Variants in SNAI3 observed in about 807,000 individuals in gnomAD.
SNAI3 encodes the protein zinc finger protein SNAI3.
In SNAI3, 21 loss-of-function variants were observed where a neutral mutation model predicts 16.4. The ratio of observed to expected loss-of-function variants is 1.28; its 90% confidence interval spans 0.91 to 1.85. SNAI3 has a LOEUF of 1.85. Among genes scored for constraint, SNAI3 ranks in the 40% most tolerant of loss-of-function variants. The pLI is 0.00. For synonymous variants in SNAI3, 202 were observed against 166.6 expected (o/e 1.21, Z -1.64); for missense variants, 457 against 372.8 (o/e 1.23, Z -1.86).
chr16:88,681,214 T>G lies in SNAI3; in HGVS notation c.577A>C (p.Thr193Pro). The G allele has an allele frequency of 6.2e-7, 1 of 1,613,818 alleles. No individual in the cohort carries two copies. Among genetic ancestry groups the G allele is most frequent in the African/African-American group, 1.3e-5 (1 of 75,030 alleles). ...FTCKYCDKEY[T>P]SLGALKMHIR... ...TGCATCTTGAGGGCACCCAGGCTGG[T>G]GTACTCCTTGTCGCAGTACTTGCAG... is the stretch of plus-strand genomic sequence containing the variant. The change falls in exon 2 of 3, where the codon ACC (threonine) becomes CCC (proline). Residue 193 changes from threonine to proline, a missense_variant. Physicochemically the swap from Thr to Pro is conservative, Grantham distance 38. Transcript: ENST00000332281. The surrounding 1 kb of genome is among the most constrained non-coding windows in gnomAD (Gnocchi z 5.4).
chr16:88,679,222 G>A, intron 2 of SNAI3: 5 of 539,216 alleles, frequency 9.3e-6, no homozygotes, highest in Non-Finnish European at 1.2e-5. Flanking sequence ...TCCTGGCCAG[G>A]CCAGCCTCCC....
rs774246168 is a variant in SNAI3 at position 88,681,061 on chromosome 16, A to G, written c.697+33T>C. 6.3e-7 allele frequency: 1 copy of G among 1,586,882 alleles called. No homozygotes were observed. Among genetic ancestry groups the G allele is most frequent in the African/African-American group, 1.3e-5 (1 of 74,536 alleles). ...GCAGCCCACCCTCTTCCCCCAGCCC[A>G]GACCGTCCTTGCAGACCTTCACCCT... On this transcript the variant is annotated intron_variant, in intron 2 of 2. Coordinates refer to ENST00000332281, the MANE Select transcript of SNAI3 (RefSeq NM_178310.4). The surrounding 1 kb of genome is among the most constrained non-coding windows in gnomAD (Gnocchi z 5.4).
chr16:88,680,791 C>T (rs1419392162), intron 2 of SNAI3, among the ~76,000 whole-genome samples: 1 of 150,056 alleles, frequency 6.7e-6, no homozygotes, highest in Non-Finnish European at 1.5e-5. Context: ...AGACTGGGGT[C>T]TTGCTTGTTG....
At position 88,686,453 on chromosome 16, in the gene SNAI3, C is replaced by A; in HGVS notation, c.-47G>T. Reference sequence around the variant, plus strand: ...CCGGGGTGGGCTGGGGCGGGAGGGGCGCGCCTGGGTCCGGACTGCTGCGTC... The same window carrying A: ...CCGGGGTGGGCTGGGGCGGGAGGGGAGCGCCTGGGTCCGGACTGCTGCGTC... On this transcript the variant is annotated 5_prime_UTR_variant, in exon 1 of 3. Transcript: ENST00000332281. 1 of 1,592,350 alleles carries A rather than the reference C, an allele frequency of 6.3e-7. No homozygotes were observed. Among genetic ancestry groups the A allele is most frequent in the Non-Finnish European group, 8.5e-7 (1 of 1,173,614 alleles).
In SNAI3 at chr16:88,681,511, C is replaced by G. The variant is rs370933219; in HGVS notation, c.280G>C (p.Asp94His). ...GLDALEVSEV[D>H]PRASRAAIVP... Reference sequence around the variant, plus strand: ...ATGGCGGCCCGGCTGGCCCGAGGGTCGACCTCGCTGACTTCCAAGGCGTCC... The same window carrying G: ...ATGGCGGCCCGGCTGGCCCGAGGGTGGACCTCGCTGACTTCCAAGGCGTCC... The change falls in exon 2 of 3, where the codon GAC (aspartate) becomes CAC (histidine). Residue 94 changes from aspartate (D) to histidine (H), a missense_variant. By Grantham distance (81) the Asp-to-His change is moderately conservative (BLOSUM62 -1). Coordinates refer to ENST00000332281, the MANE Select transcript of SNAI3 (RefSeq NM_178310.4). The surrounding 1 kb of genome is among the most constrained non-coding windows in gnomAD (Gnocchi z 5.4). The G allele has an allele frequency of 1.9e-6, 3 of 1,540,716 alleles. No individual in the cohort carries two copies. In the South Asian group the frequency reaches 3.7e-5, roughly 19 times the overall value.
At position 88,678,942 on chromosome 16, in the gene SNAI3, T is replaced by TG. The variant is rs543863688; in HGVS notation, c.698-314dup. On this transcript the variant is annotated intron_variant, in intron 2 of 2. Transcript: ENST00000332281. ...CTGTTTCTGGCCACTCACAGGCAAG[T>TG]GGGGGGGTCTGGCCAGCTCCAGCAG... The TG allele has an allele frequency of 3.7e-4, 364 of 985,074 alleles. 2 individuals are homozygous for TG. The African/African-American group carries it at 5.3e-3, about 14-fold the overall frequency. 61.0% of individuals were successfully genotyped at this position (985,074 alleles called of 1,614,324 possible).
chr16:88,677,728 G>A lies in SNAI3; in HGVS notation c.*720C>T, dbSNP rs1341523216. The A allele has an allele frequency of 6.6e-6, 1 of 152,266 alleles. No homozygotes were observed. The highest frequency in any genetic ancestry group is 1.5e-5 in the Non-Finnish European group (1 of 68,076). 9.4% of individuals were successfully genotyped at this position (152,266 alleles called of 1,614,324 possible). A position where few individuals can be genotyped will look rare whatever the true frequency, so the allele number is the denominator to read the frequency against. ...TATTACCCCACGGCTGTTATTGCCT[G>A]GGAAGCTGAGTGCCCTGAGACCCCA... On this transcript the variant is annotated 3_prime_UTR_variant, in exon 3 of 3. Coordinates refer to ENST00000332281, the MANE Select transcript of SNAI3 (RefSeq NM_178310.4).
chr16:88,682,397 G>A (rs969522671), intron 1 of SNAI3, among the ~76,000 whole-genome samples: 19 of 152,240 alleles, frequency 1.2e-4, no homozygotes, highest in African/African-American at 4.6e-4. Context: ...TCCCCAGGAC[G>A]GTGTTTCCTC....
chr16:88,686,321 TA>T lies in SNAI3; in HGVS notation c.76+9del. On this transcript the variant is annotated intron_variant, in intron 1 of 2. Transcript: ENST00000332281. ...TCCCGGCAGGGGCTCGGGGATCGGG[TA>T]GTCAGTACCTCTCTGCGTCTCCAGC... The T allele has an allele frequency of 1.2e-6, 2 of 1,608,726 alleles. No homozygotes were observed. The highest frequency in any genetic ancestry group is 1.7e-6 in the Non-Finnish European group (2 of 1,178,326).
chr16:88,679,761 CAA>C (rs567387152), intron 2 of SNAI3, among the ~76,000 whole-genome samples: 10 of 68,426 alleles, frequency 1.5e-4, no homozygotes, highest in Admixed American at 6.7e-4. Context: ...GACTCTGTCT[CAA>C]AAAAAAAAAA....
chr16:88,682,461 AG>A (rs1909207986), intron 1 of SNAI3, among the ~76,000 whole-genome samples: 3 of 152,378 alleles, frequency 2.0e-5, no homozygotes, highest in African/African-American at 4.8e-5. Flanking sequence ...TAAGGGCAGC[AG>A]CCCCCAGATA....
At position 88,681,016 on chromosome 16, in the gene SNAI3, C is replaced by T. The variant is rs1909143895; in HGVS notation, c.697+78G>A. The T allele has an allele frequency of 6.5e-7, 1 of 1,538,622 alleles. No individual in the cohort carries two copies. Among genetic ancestry groups the T allele is most frequent in the Admixed American group, 1.9e-5 (1 of 53,350 alleles). The stretch of plus-strand genomic sequence containing the variant: ...CATGCTATTGTTTATAAAATCACCC[C>T]TCCTCCTTTTCTAACTCCCGCAGCC... On this transcript the variant is annotated intron_variant, in intron 2 of 2. Transcript: ENST00000332281. This position sits in a 1 kb window ranked among gnomAD's most constrained non-coding sequence, Gnocchi z 5.4.
At chr16:88,679,060 G>A (rs1909073007) in intron 2 of SNAI3, 2 of 985,342 alleles carry the variant, frequency 2.0e-6, no homozygotes, top group African/African-American at 3.5e-5. Flanking sequence ...ACAAAGTCCT[G>A]CTGGGACCTT....
chr16:88,681,461 G>A lies in SNAI3; in HGVS notation c.330C>T (p.Asn110=), dbSNP rs1433002002. ...CCAGCAGTGGGGGCAGGTTGAGGTG[G>A]TTCAGGCTGTCTTTGAGGGGTACAA... is the stretch of plus-strand genomic sequence containing the variant. ...AAIVPLKDSL[N]HLNLPPLLVL... Residue 110 remains asparagine, a synonymous_variant, in exon 2 of 3, where the codon AAC becomes AAT. Transcript: ENST00000332281. This position sits in a 1 kb window ranked among gnomAD's most constrained non-coding sequence, Gnocchi z 5.4. The A allele has an allele frequency of 1.3e-6, 2 of 1,594,608 alleles. No individual in the cohort carries two copies. The highest frequency in any genetic ancestry group is 8.6e-7 in the Non-Finnish European group (1 of 1,166,410).
chr16:88,678,917 C>G, intron 2 of SNAI3: 1 of 985,420 alleles, frequency 1.0e-6, no homozygotes, highest in Non-Finnish European at 1.2e-6. Context: ...CCTCTGGCAG[C>G]TGTTTCTGGC....
At chr16:88,679,217 G>A in intron 2 of SNAI3, 1 of 547,016 alleles carries the variant, frequency 1.8e-6, no homozygotes, top group African/African-American at 2.1e-5. Context: ...CATGCTCCTG[G>A]CCAGGCCAGC....
intron 1 of SNAI3, among the ~76,000 whole-genome samples, chr16:88,682,792 T>TTTG (rs1555545991): frequency 8.4e-6 from 1 of 119,502 alleles, no homozygotes; most frequent in African/African-American, 3.3e-5. Context: ...TTTTTTTTTT[T>TTTG]AGAGACGGAG....
At chr16:88,680,844 C>T (rs1909140302) in intron 2 of SNAI3, among the ~76,000 whole-genome samples, 1 of 152,160 alleles carries the variant, frequency 6.6e-6, no homozygotes, top group African/African-American at 2.4e-5. Context: ...GATCCTCCCA[C>T]CTCAATCTCC....
At chr16:88,684,508 T>C (rs566273412) in intron 1 of SNAI3, among the ~76,000 whole-genome samples, 3 of 152,204 alleles carry the variant, frequency 2.0e-5, no homozygotes, top group Admixed American at 6.5e-5. Context: ...TGTTTTGTTT[T>C]GTTTTGAGAC....
Sources: gnomAD v4.1 joint callset for allele counts (sites outside exome capture counted in the v4.1 genomes callset) on GRCh38, gnomAD v4.1.1 for gene constraint, Gnocchi (gnomAD v3.1) non-coding constraint, MANE v1.5 for transcripts, NCBI Gene and HGNC (gene_info 2026-07-23, HGNC 2026-07-21) for gene names.